RALGAPA1: variants seen among roughly 807,000 people sequenced by gnomAD.
The protein encoded by RALGAPA1 is Ral GTPase activating protein catalytic subunit alpha 1.
Under a neutral mutation model 269.6 loss-of-function variants are expected in RALGAPA1, and 52 were observed. The ratio of observed to expected loss-of-function variants is 0.19; its 90% CI spans 0.15 to 0.24. The LOEUF is 0.24. Among genes scored for constraint, RALGAPA1 ranks in the 10% least tolerant of loss-of-function variants. The pLI is 1.00. For synonymous variants in RALGAPA1, 817 were observed against 1,008.3 expected (o/e 0.81, Z 3.60); for missense variants, 1,917 against 3,013.9 (o/e 0.64, Z 8.52).
At chr14:35,663,756 A>AT (rs971988717) in intron 27 of RALGAPA1, among the ~76,000 whole-genome samples, 24 of 151,508 alleles carry the variant, frequency 1.6e-4, no homozygotes, top group Admixed American at 1.4e-3. Context: ...TGCCCGGCTA[A>AT]TTTTTTTTGT....
intron 1 of RALGAPA1, among the ~76,000 whole-genome samples, chr14:35,801,641 G>A (rs2076988438): frequency 6.6e-6 from 1 of 152,120 alleles, no homozygotes; most frequent in African/African-American, 2.4e-5. Context: ...TGACAACTTA[G>A]ATGAAATCTT....
intron 27 of RALGAPA1, among the ~76,000 whole-genome samples, chr14:35,659,767 A>C (rs1370898208): frequency 6.6e-6 from 1 of 152,140 alleles, no homozygotes; most frequent in Non-Finnish European, 1.5e-5. Flanking sequence ...CACATTAAAA[A>C]GGTCACATGC....
intron 4 of RALGAPA1, among the ~76,000 whole-genome samples, chr14:35,765,602 G>C (rs1054688631): frequency 6.6e-6 from 1 of 151,970 alleles, no homozygotes; most frequent in Admixed American, 6.6e-5. Context: ...TTGGTCTCAA[G>C]TTATCCTCTC....
At chr14:35,736,815 C>T (rs2071038473) in intron 12 of RALGAPA1, among the ~76,000 whole-genome samples, 1 of 152,038 alleles carries the variant, frequency 6.6e-6, no homozygotes, top group Non-Finnish European at 1.5e-5. Context: ...GCAGGCAGAT[C>T]ACTTGAGGTC....
At chr14:35,560,306 G>A (rs1399014567) in intron 39 of RALGAPA1, among the ~76,000 whole-genome samples, 1 of 152,068 alleles carries the variant, frequency 6.6e-6, no homozygotes, top group South Asian at 2.1e-4. Flanking sequence ...ATCTGCCACT[G>A]CTCTTCCCTT....
intron 36 of RALGAPA1, among the ~76,000 whole-genome samples, chr14:35,604,042 G>A (rs2059438120): frequency 6.6e-6 from 1 of 152,098 alleles, no homozygotes. Flanking sequence ...TTGAAGTGAT[G>A]GGTATCCTAA....
chr14:35,586,073 C>T (rs980017949), intron 37 of RALGAPA1, among the ~76,000 whole-genome samples: 1 of 152,150 alleles, frequency 6.6e-6, no homozygotes, highest in African/African-American at 2.4e-5. Flanking sequence ...ACTGATTCTT[C>T]CTATCCATGA....
At position 35,738,642 on chromosome 14, in the gene RALGAPA1, C is replaced by T. The variant is rs12587686; in HGVS notation, c.1458G>A (p.Gly486=). 24,720 of 1,604,562 alleles carry T rather than the reference C, an allele frequency of 0.015. 1,278 individuals carry two copies. The highest frequency in any genetic ancestry group is 0.14 in the South Asian group (12,726 of 88,636). The change falls in exon 12 of 42, where the codon GGG becomes GGA. Residue 486 remains glycine (G), a synonymous_variant. Transcript: ENST00000680220. ...TTCGAACATGATCAGCAGTATTGGT[C>T]CCATTTTCCTGAAGCAAAATATCAA... The part of the protein sequence containing the change: ...EEGEKREEEN[G]TNTADHVRNS...
chr14:35,681,710 C>G (rs1221229756), intron 21 of RALGAPA1, among the ~76,000 whole-genome samples: 4 of 152,062 alleles, frequency 2.6e-5, no homozygotes, highest in Non-Finnish European at 5.9e-5. Flanking sequence ...AAAATGGCAA[C>G]TGCACATGGT....
intron 13 of RALGAPA1, among the ~76,000 whole-genome samples, chr14:35,726,070 T>C (rs1456217195): frequency 6.6e-6 from 1 of 152,154 alleles, no homozygotes; most frequent in Non-Finnish European, 1.5e-5. Flanking sequence ...CAATTCTCTA[T>C]CACAGCCTCC....
intron 36 of RALGAPA1, among the ~76,000 whole-genome samples, 170 bp from the exon 37 acceptor site, chr14:35,595,959 T>C (rs890229864): frequency 3.3e-5 from 5 of 152,106 alleles, no homozygotes; most frequent in Non-Finnish European, 7.4e-5. Flanking sequence ...ACTGGTACTT[T>C]TTAAGTATTT....
At chr14:35,762,365 C>T (rs1407478592) in intron 5 of RALGAPA1, among the ~76,000 whole-genome samples, 2 of 152,168 alleles carry the variant, frequency 1.3e-5, no homozygotes, top group African/African-American at 4.8e-5. Context: ...AAGCAATTCT[C>T]CTGCTTCAGC....
intron 31 of RALGAPA1, among the ~76,000 whole-genome samples, chr14:35,647,934 C>T (rs757135644): frequency 6.7e-5 from 10 of 149,552 alleles, no homozygotes; most frequent in African/African-American, 1.2e-4. Context: ...GGTGACACAG[C>T]GAAACTCCGT....
At chr14:35,619,241 G>C (rs187008720) in intron 35 of RALGAPA1, among the ~76,000 whole-genome samples, 1 of 152,092 alleles carries the variant, frequency 6.6e-6, no homozygotes, top group East Asian at 1.9e-4. Flanking sequence ...AAATAAAAGA[G>C]TACAACTAGA....
chr14:35,716,038 T>C lies in RALGAPA1; in HGVS notation c.2266+5650A>G, dbSNP rs2068788909. 5 of 985,024 alleles carry C rather than the reference T, an allele frequency of 5.1e-6. No individual in the cohort carries two copies. In the African/African-American group the frequency reaches 7.0e-5, roughly 14 times the overall value. 61.0% of individuals were successfully genotyped at this position (985,024 alleles called of 1,614,324 possible). Reference sequence around the variant, plus strand: ...GTTGCTGGCAATACGAGTCATGTAATGACTTTTTAAAAAGCCCCTTTCTTC... The same window carrying C: ...GTTGCTGGCAATACGAGTCATGTAACGACTTTTTAAAAAGCCCCTTTCTTC... On this transcript the variant is annotated intron_variant, in intron 16 of 41. Transcript: ENST00000680220.
chr14:35,784,820 C>T (rs2075689396), intron 1 of RALGAPA1, among the ~76,000 whole-genome samples: 1 of 152,068 alleles, frequency 6.6e-6, no homozygotes, highest in Non-Finnish European at 1.5e-5. Flanking sequence ...ACTAGTATAC[C>T]ATTATTACAG....
At chr14:35,688,315 G>T in intron 18 of RALGAPA1, 144 bp downstream of exon 18, 1 of 832,482 alleles carries the variant, frequency 1.2e-6, no homozygotes, top group Non-Finnish European at 1.8e-6. Context: ...AAATACAGCT[G>T]GGAAAAGGCG....
At chr14:35,748,206 C>T (rs896677558) in intron 10 of RALGAPA1, among the ~76,000 whole-genome samples, 2 of 151,564 alleles carry the variant, frequency 1.3e-5, no homozygotes, top group South Asian at 2.1e-4. Flanking sequence ...ATAGAAAATA[C>T]TAGAGGATTA....
At chr14:35,700,411 G>T in intron 16 of RALGAPA1, 109 bp from the exon 17 acceptor site, 1 of 830,438 alleles carries the variant, frequency 1.2e-6, no homozygotes, top group Non-Finnish European at 1.7e-6. Flanking sequence ...AAGGTACAAA[G>T]GAAGGAAATT....
Sources: allele counts gnomAD v4.1 joint callset (sites outside exome capture counted in the v4.1 genomes callset), GRCh38; gene constraint gnomAD v4.1.1; transcripts MANE v1.5; gene names NCBI Gene and HGNC (gene_info 2026-07-23, HGNC 2026-07-21).